The following KCNH1 variants were observed in gnomAD, a reference collection of about 807,000 sequenced individuals.
The protein encoded by KCNH1 is potassium voltage-gated channel subfamily H member 1, also known as voltage-gated delayed rectifier potassium channel KCNH1.
Under a neutral mutation model 69.2 loss-of-function variants are expected in KCNH1, and 27 were observed. The observed-to-expected ratio is 0.39, with a 90% CI of 0.29 to 0.54. The LOEUF is 0.54. Ranked by LOEUF, KCNH1 falls within the 20% of genes least tolerant of loss-of-function variation. The pLI, the probability that KCNH1 is intolerant of heterozygous loss-of-function variation, is 0.68. For missense variants in KCNH1, 798 were observed against 1,261.6 expected, an observed-to-expected ratio of 0.63 and a Z score of 5.57; for synonymous variants, 456 against 487.7, an observed-to-expected ratio of 0.93 and a Z score of 0.86.
At chr1:211,031,347 T>G (rs1033762698) in intron 5 of KCNH1, among the ~76,000 whole-genome samples, 1 of 152,206 alleles carries the variant, frequency 6.6e-6, no homozygotes, top group African/African-American at 2.4e-5. Context: ...CTTCAGAAAC[T>G]ATTCCAATCA....
At chr1:210,947,752 T>G (rs143240832) in intron 6 of KCNH1, among the ~76,000 whole-genome samples, 208 of 152,208 alleles carry the variant, frequency 1.4e-3, no homozygotes, top group Non-Finnish European at 2.4e-3. Context: ...GGGCAAAAAT[T>G]ATAAGTTATC....
chr1:210,940,913 C>T (rs759593323), intron 6 of KCNH1, among the ~76,000 whole-genome samples: 6 of 152,208 alleles, frequency 3.9e-5, no homozygotes, highest in South Asian at 2.1e-4. Context: ...CAGTTAGCCA[C>T]GCCCTTAATT....
At chr1:210,973,054 T>G (rs1332237132) in intron 6 of KCNH1, among the ~76,000 whole-genome samples, 1 of 152,042 alleles carries the variant, frequency 6.6e-6, no homozygotes, top group Non-Finnish European at 1.5e-5. Context: ...AATCATGAAC[T>G]TCAATGACTC....
chr1:210,760,674 A>G (rs1417662607), intron 10 of KCNH1, among the ~76,000 whole-genome samples: 1 of 152,236 alleles, frequency 6.6e-6, no homozygotes, highest in Non-Finnish European at 1.5e-5. Context: ...AGGCCTCACG[A>G]TCATGGCAAA....
chr1:210,806,511 T>C lies in KCNH1; in HGVS notation c.1463-2345A>G, dbSNP rs569039057. Among the ~76,000 whole-genome samples the C allele has an allele frequency of 2.6e-5, 4 of 152,182 alleles. No homozygotes were observed. In the South Asian group the frequency reaches 8.3e-4, roughly 32 times the overall value. Reference sequence around the variant, plus strand: ...TATCCCATGGGTTGTGGTATCATTTTTGGTGGTATCATTTACAGCACAAAA... The same window carrying C: ...TATCCCATGGGTTGTGGTATCATTTCTGGTGGTATCATTTACAGCACAAAA... On this transcript the variant is annotated intron_variant, in intron 7 of 10. Coordinates refer to ENST00000271751, the MANE Select transcript of KCNH1 (RefSeq NM_172362.3).
chr1:210,873,361 A>AT (rs963336694), intron 7 of KCNH1, among the ~76,000 whole-genome samples: 1 of 151,948 alleles, frequency 6.6e-6, no homozygotes, highest in Non-Finnish European at 1.5e-5. Flanking sequence ...TTATTTATTT[A>AT]TTTTTTAGAG....
chr1:211,090,374 T>C (rs982166387), intron 4 of KCNH1, among the ~76,000 whole-genome samples, 188 bp downstream of exon 4: 2 of 152,174 alleles, frequency 1.3e-5, no homozygotes, highest in Non-Finnish European at 2.9e-5. Flanking sequence ...CTAAACAAAG[T>C]GTTTTTTCTC....
At chr1:211,057,267 A>G (rs192656170) in intron 5 of KCNH1, among the ~76,000 whole-genome samples, 208 of 152,294 alleles carry the variant, frequency 1.4e-3, no homozygotes, top group Non-Finnish European at 2.3e-3. Context: ...TAATAGTAGA[A>G]CTGATCAAGC....
intron 6 of KCNH1, among the ~76,000 whole-genome samples, chr1:210,941,121 C>T (rs890594293): frequency 3.0e-4 from 46 of 152,182 alleles, no homozygotes; most frequent in Admixed American, 2.9e-3. Context: ...AGGAAAGCAT[C>T]GCCTTGACTA....
intron 5 of KCNH1, among the ~76,000 whole-genome samples, chr1:211,060,257 C>T (rs1401908138): frequency 1.3e-5 from 2 of 151,258 alleles, no homozygotes; most frequent in Non-Finnish European, 3.0e-5. Context: ...AAGTTTATAC[C>T]AATAAATGCC....
rs2102409001 is a variant in KCNH1 at position 210,806,255 on chromosome 1, T to G, written c.1463-2089A>C. Among the ~76,000 whole-genome samples, 2 of 152,330 alleles carry G rather than the reference T, an allele frequency of 1.3e-5. 1 individual carries two copies. The highest frequency in any genetic ancestry group is 4.1e-4 in the South Asian group (2 of 4,826). ...ATTGTGTCTTTTTCAATTATCACCT[T>G]TCTAGTGAGTATGACTTGCCATCTC... is the stretch of plus-strand genomic sequence containing the variant. On this transcript the variant is annotated intron_variant, in intron 7 of 10. Transcript: ENST00000271751.
At chr1:211,035,438 CG>C (rs1689879894) in intron 5 of KCNH1, among the ~76,000 whole-genome samples, 1 of 150,528 alleles carries the variant, frequency 6.6e-6, no homozygotes, top group African/African-American at 2.4e-5. Context: ...TTAGTAGAGA[CG>C]GGGTTTCACC....
At chr1:210,779,104 C>T (rs1269475270) in intron 9 of KCNH1, among the ~76,000 whole-genome samples, 1 of 152,160 alleles carries the variant, frequency 6.6e-6, no homozygotes, top group East Asian at 1.9e-4. Context: ...ATTTTCCAAT[C>T]ACAGGTTTTG....
At chr1:210,758,491 G>C (rs1683445537) in intron 10 of KCNH1, among the ~76,000 whole-genome samples, 1 of 152,162 alleles carries the variant, frequency 6.6e-6, no homozygotes, top group South Asian at 2.1e-4. Flanking sequence ...TGGTCAGCTG[G>C]GGGACAGTGG....
intron 6 of KCNH1, among the ~76,000 whole-genome samples, chr1:210,978,164 G>A (rs770778869): frequency 3.3e-5 from 5 of 151,006 alleles, no homozygotes; most frequent in African/African-American, 7.3e-5. Flanking sequence ...TCAGCCTCCC[G>A]AGTAGCTGGG....
rs1683403550 is a variant in KCNH1, at chr1:210,756,521, G to A, written c.2112+18827C>T. On this transcript the variant is annotated intron_variant, in intron 10 of 10. Coordinates refer to ENST00000271751, the MANE Select transcript of KCNH1 (RefSeq NM_172362.3). Reference sequence around the variant, plus strand: ...AGGCACAATCTTCAGTATGCTGCCTGTTGCAAGAGGTTTTTTAAAAATTAA... The same window carrying A: ...AGGCACAATCTTCAGTATGCTGCCTATTGCAAGAGGTTTTTTAAAAATTAA... 2.0e-5 allele frequency among the ~76,000 whole-genome samples: 3 copies of A among 152,222 alleles called. No individual in the cohort carries two copies. In the South Asian group the frequency reaches 6.2e-4, roughly 31 times the overall value.
intron 6 of KCNH1, among the ~76,000 whole-genome samples, chr1:210,962,212 G>T (rs1408433748): frequency 1.3e-5 from 2 of 152,194 alleles, no homozygotes; most frequent in African/African-American, 2.4e-5. Flanking sequence ...CTATGGCATG[G>T]CCTCTTCAGG....
At chr1:210,881,376 G>A (rs1335247300) in intron 7 of KCNH1, among the ~76,000 whole-genome samples, 1 of 152,208 alleles carries the variant, frequency 6.6e-6, no homozygotes, top group Non-Finnish European at 1.5e-5. Context: ...ATCAAATGTG[G>A]TAAGATTCTG....
At chr1:210,738,395 A>T (rs1385518485) in intron 10 of KCNH1, among the ~76,000 whole-genome samples, 1 of 152,168 alleles carries the variant, frequency 6.6e-6, no homozygotes, top group African/African-American at 2.4e-5. Context: ...AAATGAGAAA[A>T]TGTAGCTAAA....
Sources: gnomAD v4.1 joint callset for allele counts (sites outside exome capture counted in the v4.1 genomes callset) on GRCh38, gnomAD v4.1.1 for gene constraint, MANE v1.5 for transcripts, NCBI Gene and HGNC (gene_info 2026-07-23, HGNC 2026-07-21) for gene names.